The following EHBP1 variants were observed in gnomAD, a reference collection of about 807,000 sequenced individuals.
EHBP1 encodes EH domain binding protein 1.
A neutral mutation model predicts 144.0 loss-of-function variants in EHBP1; 55 were observed. That is an observed-to-expected ratio of 0.38 (90% confidence interval 0.31 to 0.48). The LOEUF (loss-of-function observed/expected upper bound fraction) is 0.48, where lower values mean the gene tolerates loss of function less well. Among genes scored for constraint, EHBP1 ranks in the 20% least tolerant of loss-of-function variants. The pLI is 0.98. For missense variants in EHBP1, 1,200 were observed against 1,364.2 expected (o/e 0.88, Z 1.90); for synonymous variants, 469 against 472.7 (o/e 0.99, Z 0.10).
intron 13 of EHBP1, among the ~76,000 whole-genome samples, chr2:62,954,582 T>C (rs549058597): frequency 1.1e-4 from 16 of 152,076 alleles, no homozygotes; most frequent in Admixed American, 2.0e-4. Context: ...AAAAAGGCTT[T>C]AAAAAATAGT....
rs2061883384 is a variant in EHBP1 at position 63,045,002 on chromosome 2, G to C, written c.3278-64G>C. 8.1e-7 allele frequency: 1 copy of C among 1,233,658 alleles called. No individual in the cohort carries two copies. The highest frequency in any genetic ancestry group is 1.2e-6 in the Non-Finnish European group (1 of 867,362). 76.4% of individuals were successfully genotyped at this position (1,233,658 alleles called of 1,614,324 possible). ...AGGAAACTGGAAAAGGCGGGAAGGG[G>C]AGGGCGGGGGGCCGGGTGTTCGGAG... On this transcript the variant is annotated intron_variant, in intron 21 of 22. Transcript: ENST00000431489. This position sits in a 1 kb window ranked among gnomAD's most constrained non-coding sequence, Gnocchi z 5.7.
At position 62,747,258 on chromosome 2, in the gene EHBP1, A is replaced by T. The variant is rs896997654; in HGVS notation, c.105-137A>T. The T allele has an allele frequency of 4.6e-6, 3 of 651,228 alleles. No homozygotes were observed. The African/African-American group carries it at 5.6e-5, about 12-fold the overall frequency. 40.3% of individuals were successfully genotyped at this position (651,228 alleles called of 1,614,324 possible). A position where few individuals can be genotyped will look rare whatever the true frequency, so the allele number is the denominator to read the frequency against. ...CACATCTGTAGTTAACATCTACTAT[A>T]TTTGATAGAGCTTTATTGTAACAGT... On this transcript the variant is annotated intron_variant, in intron 2 of 22. Transcript: ENST00000431489.
intron 12 of EHBP1, among the ~76,000 whole-genome samples, chr2:62,944,716 G>C (rs999335738): frequency 3.3e-5 from 5 of 152,228 alleles, no homozygotes; most frequent in Non-Finnish European, 5.9e-5. Flanking sequence ...GGGCATCTGT[G>C]TAAGGCTGAG....
chr2:62,802,020 C>T (rs925544542), intron 5 of EHBP1, among the ~76,000 whole-genome samples: 8 of 152,186 alleles, frequency 5.3e-5, no homozygotes, highest in African/African-American at 1.2e-4. Flanking sequence ...CTCTGAGGAA[C>T]GCAGCCCAAG....
intron 10 of EHBP1, among the ~76,000 whole-genome samples, chr2:62,879,662 G>T (rs762975965): frequency 7.9e-5 from 12 of 151,136 alleles, no homozygotes; most frequent in Non-Finnish European, 1.6e-4. Context: ...GGAGGAGAAA[G>T]ATCTCTATAA....
chr2:63,015,936 T>C (rs913772284), intron 19 of EHBP1, among the ~76,000 whole-genome samples: 1 of 152,168 alleles, frequency 6.6e-6, no homozygotes, highest in African/African-American at 2.4e-5. Flanking sequence ...AAGGCTTTAA[T>C]ATTTCCTCTG....
chr2:62,963,431 A>T (rs1205692178), intron 14 of EHBP1, among the ~76,000 whole-genome samples: 1 of 152,176 alleles, frequency 6.6e-6, no homozygotes, highest in Non-Finnish European at 1.5e-5. Context: ...ACTTTTTTTG[A>T]TAATCTCTAA....
At chr2:62,719,590 A>G (rs2036013554) in intron 2 of EHBP1, among the ~76,000 whole-genome samples, 1 of 152,242 alleles carries the variant, frequency 6.6e-6, no homozygotes, top group Non-Finnish European at 1.5e-5. Context: ...CTCTGTATCT[A>G]TGGGTTCTGC....
chr2:62,780,337 GATT>G (rs1446602831), intron 5 of EHBP1, among the ~76,000 whole-genome samples: 2 of 152,162 alleles, frequency 1.3e-5, no homozygotes, highest in East Asian at 3.9e-4. Context: ...TGTTGTATAT[GATT>G]ATGGGAATGA....
chr2:62,866,831 A>T (rs902608129), intron 9 of EHBP1, among the ~76,000 whole-genome samples: 1 of 152,182 alleles, frequency 6.6e-6, no homozygotes, highest in African/African-American at 2.4e-5. Context: ...AGTTTTAGAA[A>T]TAAAAAAATT....
At chr2:62,674,933 G>A (rs903319546) in intron 1 of EHBP1, among the ~76,000 whole-genome samples, 1 of 152,188 alleles carries the variant, frequency 6.6e-6, no homozygotes, top group Admixed American at 6.5e-5. Context: ...ACCCAGCCAA[G>A]TCTTAAGAGC....
rs572899227 is a variant in EHBP1, at chr2:62,678,538, A to G, written c.-296+4455A>G. ...AACCTAGGGCCAGCATTAGAGAATAATAACAGTAATTAGTACTTTAGAGTT... is the reference window on the plus strand; with the variant it reads ...AACCTAGGGCCAGCATTAGAGAATAGTAACAGTAATTAGTACTTTAGAGTT... On this transcript the variant is annotated intron_variant, in intron 1 of 22. Transcript: ENST00000405015. 3.3e-5 allele frequency among the ~76,000 whole-genome samples: 5 copies of G among 152,326 alleles called. No individual in the cohort carries two copies. In the South Asian group the frequency reaches 1.0e-3, roughly 32 times the overall value.
chr2:62,782,009 G>A (rs1390846023), intron 5 of EHBP1, among the ~76,000 whole-genome samples: 3 of 152,182 alleles, frequency 2.0e-5, no homozygotes, highest in Non-Finnish European at 4.4e-5. Flanking sequence ...GTGAGATTAA[G>A]TGACACGCCC....
At chr2:63,021,630 ATTTGT>A (rs2060753109) in intron 19 of EHBP1, among the ~76,000 whole-genome samples, 1 of 152,184 alleles carries the variant, frequency 6.6e-6, no homozygotes, top group Admixed American at 6.5e-5. Flanking sequence ...ACATTTCATA[ATTTGT>A]TTTGACAGAG....
intron 7 of EHBP1, among the ~76,000 whole-genome samples, chr2:62,833,140 C>T (rs1404025205): frequency 6.6e-6 from 1 of 152,144 alleles, no homozygotes; most frequent in Non-Finnish European, 1.5e-5. Flanking sequence ...TCCCTTAAGC[C>T]AAAGCCTAAT....
intron 1 of EHBP1, among the ~76,000 whole-genome samples, chr2:62,686,689 G>A (rs954980968): frequency 6.6e-6 from 1 of 152,048 alleles, no homozygotes; most frequent in South Asian, 2.1e-4. Context: ...ACTGGGTATC[G>A]CTTGCATTAA....
At chr2:62,830,211 TAC>T (rs111857004) in intron 6 of EHBP1, among the ~76,000 whole-genome samples, 6 of 146,010 alleles carry the variant, frequency 4.1e-5, no homozygotes, top group Non-Finnish European at 6.0e-5. Flanking sequence ...TATACACATA[TAC>T]ACACACACAC....
rs574197398 is a variant in EHBP1 at position 62,778,506 on chromosome 2, T to C, written c.312+7114T>C. On this transcript the variant is annotated intron_variant, in intron 5 of 22. Transcript: ENST00000431489. ...CTGTAATGAGCTCTCATTGCGCCAC[T>C]GTACTCCAGCCTGGGCGACAGAGTG... Among the ~76,000 whole-genome samples, 4 of 148,786 alleles carry C rather than the reference T, an allele frequency of 2.7e-5. No homozygotes were observed. The East Asian group carries it at 5.9e-4, about 22-fold the overall frequency.
chr2:62,735,074 T>C (rs1003106232), intron 2 of EHBP1, among the ~76,000 whole-genome samples: 8 of 152,264 alleles, frequency 5.3e-5, no homozygotes, highest in East Asian at 1.9e-4. Flanking sequence ...CTTAAATTAT[T>C]TGTAGAGACG....
Sources: gnomAD v4.1 joint callset for allele counts (sites outside exome capture counted in the v4.1 genomes callset) on GRCh38, gnomAD v4.1.1 for gene constraint, Gnocchi (gnomAD v3.1) non-coding constraint, MANE v1.5 for transcripts, NCBI Gene and HGNC (gene_info 2026-07-23, HGNC 2026-07-21) for gene names.